The following IGSF21 variants were observed in gnomAD, a reference collection of about 807,000 sequenced individuals.
The protein encoded by IGSF21 is immunoglobin superfamily member 21, also known as immunoglobulin superfamily member 21.
IGSF21 carries 28 observed loss-of-function variants against 46.8 expected under a neutral mutation model. The ratio of observed to expected loss-of-function variants is 0.60; its 90% CI spans 0.44 to 0.82. The LOEUF is 0.82. Among genes scored for constraint, IGSF21 ranks in the 40% least tolerant of loss-of-function variants. The pLI, the probability that IGSF21 is intolerant of heterozygous loss-of-function variation, is 0.00. For synonymous variants in IGSF21, 284 were observed against 273.6 expected, an observed-to-expected ratio of 1.04 and a Z score of -0.38; for missense variants, 624 against 665.5, an observed-to-expected ratio of 0.94 and a Z score of 0.69.
At chr1:18,198,871 C>T (rs867947525) in intron 1 of IGSF21, among the ~76,000 whole-genome samples, 22 of 152,042 alleles carry the variant, frequency 1.4e-4, no homozygotes, top group African/African-American at 4.8e-4. Flanking sequence ...ACAAATAATT[C>T]GAATAAAAGG....
At position 18,122,050 on chromosome 1, in the gene IGSF21, C is replaced by A. The variant is rs572430943; in HGVS notation, c.70+13852C>A. Among the ~76,000 whole-genome samples the A allele has an allele frequency of 3.9e-5, 6 of 152,274 alleles. No homozygotes were observed. The South Asian group carries it at 8.3e-4, about 21-fold the overall frequency. ...GGGCGGTAGGGGTACTGCCTTATGG[C>A]TTGTGAGCTCCGAATCCCTCCCTGG... is the stretch of plus-strand genomic sequence containing the variant. On this transcript the variant is annotated intron_variant, in intron 1 of 9. Transcript: ENST00000251296.
chr1:18,279,300 C>T (rs1313908201), intron 2 of IGSF21, among the ~76,000 whole-genome samples: 1 of 152,190 alleles, frequency 6.6e-6, no homozygotes, highest in African/African-American at 2.4e-5. Flanking sequence ...GTATATGGCT[C>T]CTGACAGTAG....
intron 3 of IGSF21, among the ~76,000 whole-genome samples, chr1:18,303,175 A>G (rs1281320935): frequency 6.6e-6 from 1 of 152,174 alleles, no homozygotes. Flanking sequence ...GGTCTCAGGA[A>G]AGGCTCGTTA....
At chr1:18,120,720 G>A (rs1031875233) in intron 1 of IGSF21, among the ~76,000 whole-genome samples, 1 of 152,224 alleles carries the variant, frequency 6.6e-6, no homozygotes, top group Non-Finnish European at 1.5e-5. Context: ...AGTAGCATAT[G>A]AGAATGGGGT....
rs201062043 is a variant in IGSF21 at position 18,292,021 on chromosome 1, G to C, written c.305+34G>C. 5 of 1,606,106 alleles carry C rather than the reference G, an allele frequency of 3.1e-6. No homozygotes were observed. The Middle Eastern group carries it at 5.3e-4, about 170-fold the overall frequency. On this transcript the variant is annotated intron_variant, in intron 3 of 9. Transcript: ENST00000251296. ...CTGGGGGTGGCGGGCCGACAGCGGG[G>C]GAAGGGCGGAGGGATGGGGAGTGGG...
intron 3 of IGSF21, 87 bp downstream of exon 3, chr1:18,292,074 C>T (rs1029790563): frequency 4.3e-5 from 59 of 1,370,296 alleles, no homozygotes; most frequent in Non-Finnish European, 5.6e-5. Flanking sequence ...AGCCCTTTCA[C>T]ATCAATCCCT....
rs2086181719 is a variant in IGSF21, at chr1:18,367,672, T to C, written c.1015+1975T>C. Among the ~76,000 whole-genome samples the C allele has an allele frequency of 2.1e-5, 3 of 144,266 alleles. No homozygotes were observed. In the Admixed American group the frequency reaches 2.2e-4, roughly 11 times the overall value. 94.6% of individuals were successfully genotyped at this position (144,266 alleles called of 152,430 possible). On this transcript the variant is annotated intron_variant, in intron 6 of 9. Coordinates refer to ENST00000251296, the MANE Select transcript of IGSF21 (RefSeq NM_032880.5). ...ACCCAGGCTGGAGTGCAGTGGGTGATCTTGGCTCACTGCAACCTCAGCCTC... is the reference window on the plus strand; with the variant it reads ...ACCCAGGCTGGAGTGCAGTGGGTGACCTTGGCTCACTGCAACCTCAGCCTC...
chr1:18,229,423 G>A (rs1361899528), intron 2 of IGSF21, among the ~76,000 whole-genome samples: 1 of 152,200 alleles, frequency 6.6e-6, no homozygotes, highest in African/African-American at 2.4e-5. Flanking sequence ...TGGTCCAGGT[G>A]AGCTTTGAAC....
At chr1:18,153,727 G>C (rs1277239511) in intron 1 of IGSF21, among the ~76,000 whole-genome samples, 1 of 152,028 alleles carries the variant, frequency 6.6e-6, no homozygotes, top group African/African-American at 2.4e-5. Context: ...AGAGGTGGTG[G>C]GGTGGGGGGC....
intron 1 of IGSF21, among the ~76,000 whole-genome samples, chr1:18,148,261 G>A (rs1013744128): frequency 6.6e-6 from 1 of 151,298 alleles, no homozygotes; most frequent in African/African-American, 2.4e-5. Flanking sequence ...CTCCAGAGTA[G>A]CTGGGACTAC....
At chr1:18,152,372 A>G (rs188207752) in intron 1 of IGSF21, among the ~76,000 whole-genome samples, 4 of 152,292 alleles carry the variant, frequency 2.6e-5, no homozygotes, top group East Asian at 1.9e-4. Context: ...CCAGGATTCT[A>G]TGTTAGCTAC....
chr1:18,250,030 GTC>G (rs2084822837), intron 2 of IGSF21, among the ~76,000 whole-genome samples: 2 of 149,724 alleles, frequency 1.3e-5, no homozygotes, highest in Non-Finnish European at 3.0e-5. Flanking sequence ...TGGTCTCTGT[GTC>G]TCTGTCTCTC....
intron 3 of IGSF21, among the ~76,000 whole-genome samples, chr1:18,295,162 C>T (rs1186383530): frequency 6.6e-6 from 1 of 152,142 alleles, no homozygotes; most frequent in Non-Finnish European, 1.5e-5. Context: ...GGACTTCTGC[C>T]CCCAGGGGGT....
At position 18,109,451 on chromosome 1, in the gene IGSF21, A is replaced by G. The variant is rs1351202463; in HGVS notation, c.70+1253A>G. ...TAGAGGTGGGCATCACCTCTGTCCT[A>G]TGCCATAGCCTTGTCCCAGCAGGAG... is the stretch of plus-strand genomic sequence containing the variant. On this transcript the variant is annotated intron_variant, in intron 1 of 9. Transcript: ENST00000251296. The surrounding 1 kb of genome is among the most constrained non-coding windows in gnomAD (Gnocchi z 4.8). 10 of 152,150 alleles carry G rather than the reference A, an allele frequency of 6.6e-5. No homozygotes were observed. The highest frequency in any genetic ancestry group is 2.4e-4 in the African/African-American group (10 of 41,418). The allele number at this position is 152,150 out of a possible 1,614,324, so 9.4% of individuals were successfully genotyped here.
chr1:18,125,906 G>A (rs568873204), intron 1 of IGSF21, among the ~76,000 whole-genome samples: 5 of 152,200 alleles, frequency 3.3e-5, no homozygotes, highest in African/African-American at 1.2e-4. Context: ...CTGCCAAGAA[G>A]TCAAGAAAGG....
chr1:18,168,258 T>C (rs2086699301), intron 1 of IGSF21, among the ~76,000 whole-genome samples: 3 of 152,140 alleles, frequency 2.0e-5, no homozygotes, highest in Admixed American at 1.3e-4. Flanking sequence ...AACGCTGCCA[T>C]TAAGTCACCT....
At chr1:18,287,177 T>A in intron 2 of IGSF21, among the ~76,000 whole-genome samples, 1 of 49,864 alleles carries the variant, frequency 2.0e-5, no homozygotes, top group Admixed American at 2.5e-4. Flanking sequence ...CGAGACTCCG[T>A]CTCAAAAAAA....
Position 18,362,207 on chromosome 1 carries a change from T to C in IGSF21, c.517T>C (p.Ser173Pro). 1 of 1,612,646 alleles carries C rather than the reference T, an allele frequency of 6.2e-7. No homozygotes were observed. ...AQNFTLVCIV[S>P]GGKPAPMVYF... ...GAACTTCACGCTGGTCTGCATCGTG[T>C]CTGGAGGAAAACCAGCACCCATGGT... Residue 173 changes from serine (S) to proline (P), a missense_variant, in exon 5 of 10, where the codon TCT (serine) becomes CCT (proline). Transcript: ENST00000251296.
At chr1:18,285,471 A>T (rs1331954639) in intron 2 of IGSF21, among the ~76,000 whole-genome samples, 3 of 151,966 alleles carry the variant, frequency 2.0e-5, no homozygotes, top group Admixed American at 6.6e-5. Context: ...CTCTAGGCTG[A>T]CTCTTCTAGA....
Sources: allele counts gnomAD v4.1 joint callset (sites outside exome capture counted in the v4.1 genomes callset), GRCh38; gene constraint gnomAD v4.1.1; non-coding constraint Gnocchi (gnomAD v3.1); transcripts MANE v1.5; gene names NCBI Gene and HGNC (gene_info 2026-07-23, HGNC 2026-07-21).